EYA2: variants seen among roughly 807,000 people sequenced by gnomAD.
EYA2 encodes the protein protein phosphatase EYA2.
In EYA2, 31 loss-of-function variants were observed where a neutral mutation model predicts 69.2. The observed-to-expected ratio is 0.45, with a 90% confidence interval of 0.34 to 0.60. The LOEUF (loss-of-function observed/expected upper bound fraction) is 0.60. Ranked by LOEUF, EYA2 falls within the 20% of genes least tolerant of loss-of-function variation. The probability of loss-of-function intolerance (pLI) is 0.02; values close to 1 mark genes in which losing one functional copy is unlikely to be tolerated. For missense variants in EYA2, 622 were observed against 701.2 expected, an observed-to-expected ratio of 0.89 and a Z score of 1.28; for synonymous variants, 257 against 279.4, an observed-to-expected ratio of 0.92 and a Z score of 0.80.
Position 47,179,895 on chromosome 20 carries a change from A to G in EYA2, c.1296A>G (p.Leu432=), listed in dbSNP as rs749529210. ...DLWLTHSLKA[L]NLINSRPNCV... ...GGCTGACCCACTCCCTGAAGGCACT[A>G]AACCTCATCAACTCCCGGCAAGTGG... is the stretch of plus-strand genomic sequence containing the variant. The change falls in exon 13 of 16, where the codon CTA becomes CTG. Residue 432 remains leucine, a synonymous_variant. Transcript: ENST00000327619. 5.0e-6 allele frequency: 8 copies of G among 1,613,768 alleles called. No homozygotes were observed. The Admixed American group carries it at 1.3e-4, about 27-fold the overall frequency.
At chr20:47,113,935 A>T (rs1041629570) in intron 9 of EYA2, among the ~76,000 whole-genome samples, 3 of 151,898 alleles carry the variant, frequency 2.0e-5, no homozygotes, top group African/African-American at 7.3e-5. Flanking sequence ...TTTAAATGGA[A>T]CTAGGTGTCA....
intron 7 of EYA2, among the ~76,000 whole-genome samples, chr20:47,081,153 A>G (rs1483823719): frequency 1.3e-5 from 2 of 152,218 alleles, no homozygotes; most frequent in African/African-American, 2.4e-5. Flanking sequence ...TAAATTGTTC[A>G]GTCTCAGGTA....
rs1600601996 is a variant in EYA2 at position 46,978,689 on chromosome 20, CTG to C, written c.-10-11311_-10-11310del. 5.6e-6 allele frequency: 3 copies of C among 534,454 alleles called. No homozygotes were observed. The East Asian group carries it at 1.6e-4, about 29-fold the overall frequency. The allele number at this position is 534,454 out of a possible 1,614,324, so 33.1% of individuals were successfully genotyped here. A position where few individuals can be genotyped will look rare whatever the true frequency, so the allele number is the denominator to read the frequency against. ...TGTCATTTGCTGCACAGAGAACAAA[CTG>C]GAGGGAGGCCCCGGTGGCCCCAGGG... On this transcript the variant is annotated intron_variant, in intron 1 of 15. Transcript: ENST00000327619.
chr20:47,063,675 A>G lies in EYA2; in HGVS notation c.416-8510A>G, dbSNP rs563140079. The stretch of plus-strand genomic sequence containing the variant: ...GCATAGGTTATAACTTTGTAACTTT[A>G]CTTCAGCCTCTGGTCCTTCCTTGCA... On this transcript the variant is annotated intron_variant, in intron 5 of 15. Coordinates refer to ENST00000327619, the MANE Select transcript of EYA2 (RefSeq NM_005244.5). 6.6e-5 allele frequency among the ~76,000 whole-genome samples: 10 copies of G among 152,258 alleles called. No individual in the cohort carries two copies. In the East Asian group the frequency reaches 1.9e-3, roughly 29 times the overall value.
At chr20:47,099,990 C>T (rs936419514) in intron 9 of EYA2, among the ~76,000 whole-genome samples, 7 of 135,138 alleles carry the variant, frequency 5.2e-5, no homozygotes, top group Admixed American at 8.0e-5. Context: ...TTAAGCTGCA[C>T]GAGGACAGGG....
intron 4 of EYA2, among the ~76,000 whole-genome samples, chr20:47,012,133 T>C (rs968315246): frequency 6.6e-6 from 1 of 152,230 alleles, no homozygotes; most frequent in Admixed American, 6.5e-5. Flanking sequence ...AATGAGTGAA[T>C]GAATGCTTAT....
intron 1 of EYA2, among the ~76,000 whole-genome samples, chr20:46,970,328 A>G (rs1980063002): frequency 6.6e-6 from 1 of 152,172 alleles, no homozygotes. Context: ...AAGTGTATAT[A>G]AAAATAGAGG....
chr20:46,913,284 TG>T (rs1301456317), intron 1 of EYA2, among the ~76,000 whole-genome samples: 3 of 151,908 alleles, frequency 2.0e-5, no homozygotes, highest in Admixed American at 1.3e-4. Flanking sequence ...AAGCTCTGAG[TG>T]GGGTTGTGCC....
intron 11 of EYA2, 78 bp from the exon 12 acceptor site, chr20:47,172,629 A>AC: frequency 6.7e-7 from 1 of 1,493,682 alleles, no homozygotes; most frequent in Admixed American, 2.1e-5. Flanking sequence ...CGTGGGTCCC[A>AC]CAGAGCCTGT....
At chr20:47,174,215 C>G (rs571996777) in intron 12 of EYA2, among the ~76,000 whole-genome samples, 14 of 152,190 alleles carry the variant, frequency 9.2e-5, no homozygotes, top group Admixed American at 2.6e-4. Flanking sequence ...CTAGGGCCCC[C>G]TCCCTCCATT....
chr20:47,098,654 C>T (rs1268991035), intron 9 of EYA2, among the ~76,000 whole-genome samples: 1 of 152,234 alleles, frequency 6.6e-6, no homozygotes, highest in African/African-American at 2.4e-5. Context: ...TCCTCACTGC[C>T]AGCCACCTCT....
At chr20:46,927,256 C>G (rs1208031858) in intron 1 of EYA2, among the ~76,000 whole-genome samples, 1 of 152,200 alleles carries the variant, frequency 6.6e-6, no homozygotes, top group Non-Finnish European at 1.5e-5. Flanking sequence ...ACCCAGGTCA[C>G]CTCTGGTGAG....
chr20:47,025,606 C>T (rs1263287636), intron 5 of EYA2, among the ~76,000 whole-genome samples: 2 of 152,168 alleles, frequency 1.3e-5, no homozygotes, highest in African/African-American at 4.8e-5. Context: ...TACTCTTTTG[C>T]AACTGCCTCC....
At chr20:46,921,296 G>A (rs1985168235) in intron 1 of EYA2, among the ~76,000 whole-genome samples, 1 of 152,232 alleles carries the variant, frequency 6.6e-6, no homozygotes, top group Non-Finnish European at 1.5e-5. Flanking sequence ...GTTGAGGGCT[G>A]GAGGGTAACC....
chr20:47,024,564 G>T (rs533161547), intron 5 of EYA2, among the ~76,000 whole-genome samples: 4 of 152,328 alleles, frequency 2.6e-5, no homozygotes, highest in Admixed American at 1.3e-4. Flanking sequence ...CCTCCAGAGC[G>T]CTCCCAGCAC....
intron 5 of EYA2, among the ~76,000 whole-genome samples, chr20:47,046,515 A>G (rs1457341364): frequency 6.6e-6 from 1 of 152,138 alleles, no homozygotes; most frequent in Non-Finnish European, 1.5e-5. Context: ...TGCCCACCAG[A>G]ATTCCCAGCC....
chr20:47,009,246 G>A (rs928381191), intron 4 of EYA2, among the ~76,000 whole-genome samples: 8 of 152,168 alleles, frequency 5.3e-5, no homozygotes, highest in African/African-American at 1.7e-4. Flanking sequence ...AATAACAGGT[G>A]GATGAAAAGC....
In EYA2 at chr20:47,000,645, G is replaced by C. The variant is rs996728513; in HGVS notation, c.110-783G>C. On this transcript the variant is annotated intron_variant, in intron 2 of 15. Transcript: ENST00000327619. ...ACTGTCCCTATGTAAAATTATCCCCGGGCAAACGTCTCTCCCAGCTTAACT... is the reference window on the plus strand; with the variant it reads ...ACTGTCCCTATGTAAAATTATCCCCCGGCAAACGTCTCTCCCAGCTTAACT... Among the ~76,000 whole-genome samples, 6 of 152,080 alleles carry C rather than the reference G, an allele frequency of 3.9e-5. No homozygotes were observed. In the South Asian group the frequency reaches 1.2e-3, roughly 32 times the overall value.
chr20:47,136,434 C>T (rs2033475738), intron 9 of EYA2, among the ~76,000 whole-genome samples: 1 of 152,128 alleles, frequency 6.6e-6, no homozygotes, highest in South Asian at 2.1e-4. Flanking sequence ...CTTTGGGCCG[C>T]CTACGTGGTG....
Sources: gnomAD v4.1 joint callset for allele counts (sites outside exome capture counted in the v4.1 genomes callset) on GRCh38, gnomAD v4.1.1 for gene constraint, MANE v1.5 for transcripts, NCBI Gene and HGNC (gene_info 2026-07-23, HGNC 2026-07-21) for gene names.